FGF14: variants seen among roughly 807,000 people sequenced by gnomAD.
FGF14 encodes fibroblast growth factor homologous factor 4.
A neutral mutation model predicts 25.5 loss-of-function variants in FGF14; 5 were observed. The ratio of observed to expected loss-of-function variants is 0.20; its 90% confidence interval spans 0.10 to 0.41. FGF14 has a LOEUF of 0.41. Among genes scored for constraint, FGF14 ranks in the 10% least tolerant of loss-of-function variants. The pLI, the probability that FGF14 is intolerant of heterozygous loss-of-function variation, is 1.00. For synonymous variants in FGF14, 138 were observed against 118.3 expected (o/e 1.17, Z -1.08); for missense variants, 222 against 320.1 (o/e 0.69, Z 2.34).
At chr13:102,276,278 C>T (rs1209103913) in intron 1 of FGF14, among the ~76,000 whole-genome samples, 1 of 143,036 alleles carries the variant, frequency 7.0e-6, no homozygotes, top group Non-Finnish European at 1.5e-5. Context: ...CTGGAAATCT[C>T]TGTCTTCCTA....
intron 1 of FGF14, among the ~76,000 whole-genome samples, chr13:102,072,260 CTT>C (rs2043183833): frequency 6.6e-6 from 1 of 152,132 alleles, no homozygotes; most frequent in Non-Finnish European, 1.5e-5. Flanking sequence ...AGCATTAACT[CTT>C]GGGGAAAATT....
intron 1 of FGF14, among the ~76,000 whole-genome samples, chr13:102,375,299 CAAGATT>C (rs2058013134): frequency 6.6e-6 from 1 of 152,076 alleles, no homozygotes; most frequent in Non-Finnish European, 1.5e-5. Flanking sequence ...CAGCTAGAGC[CAAGATT>C]AAGTATTTTG....
rs118154924 is a variant in FGF14, at chr13:101,914,720, C to T, written c.193+1733G>A. ...TCATATTTATAAAATAATCTACTGG[C>T]TATATTCTTAAGAAATACACACAAG... On this transcript the variant is annotated intron_variant, in intron 1 of 4. Coordinates refer to ENST00000376143, the MANE Select transcript of FGF14 (RefSeq NM_004115.4). Among the ~76,000 whole-genome samples, 63 of 152,236 alleles carry T rather than the reference C, an allele frequency of 4.1e-4. 2 individuals are homozygous for T. In the East Asian group the frequency reaches 0.012, roughly 28 times the overall value.
chr13:101,862,843 G>A (rs569919578), intron 3 of FGF14, among the ~76,000 whole-genome samples: 27 of 152,150 alleles, frequency 1.8e-4, no homozygotes, highest in Middle Eastern at 3.4e-3. Flanking sequence ...TGTGAAAGAA[G>A]TCACAGAAAA....
At chr13:101,846,572 GGA>G (rs1566304000) in intron 3 of FGF14, among the ~76,000 whole-genome samples, 1 of 151,984 alleles carries the variant, frequency 6.6e-6, no homozygotes. Context: ...TGGCTAAGAT[GGA>G]GAATGAAAAG....
chr13:102,093,546 C>G (rs2044260003), intron 1 of FGF14, among the ~76,000 whole-genome samples: 1 of 152,140 alleles, frequency 6.6e-6, no homozygotes, highest in African/African-American at 2.4e-5. Context: ...GGTCATAACC[C>G]TGGTAAATTA....
chr13:102,066,869 GT>G (rs1301295466), intron 1 of FGF14, among the ~76,000 whole-genome samples: 1 of 152,106 alleles, frequency 6.6e-6, no homozygotes, highest in East Asian at 1.9e-4. Flanking sequence ...GCTCTCTCCA[GT>G]TTCTCCCCAT....
intron 1 of FGF14, among the ~76,000 whole-genome samples, chr13:102,165,665 T>G (rs1594241119): frequency 1.0e-5 from 1 of 97,130 alleles, no homozygotes; most frequent in Non-Finnish European, 2.0e-5. Context: ...GGGCCTGTTG[T>G]GGGTGGGGGG....
At chr13:101,968,431 T>C (rs1011504709) in intron 1 of FGF14, among the ~76,000 whole-genome samples, 5 of 152,072 alleles carry the variant, frequency 3.3e-5, no homozygotes, top group African/African-American at 1.2e-4. Flanking sequence ...CCCAGCACTT[T>C]GGGAGACCGA....
chr13:102,165,317 A>G (rs2047951794), intron 1 of FGF14, among the ~76,000 whole-genome samples: 1 of 151,970 alleles, frequency 6.6e-6, no homozygotes, highest in African/African-American at 2.4e-5. Context: ...ATTACTGGGT[A>G]TATACCCAAA....
chr13:102,395,196 A>G (rs944258771), intron 1 of FGF14: 11 of 152,212 alleles, frequency 7.2e-5, no homozygotes, highest in African/African-American at 2.7e-4. Context: ...TGAGAGTTCC[A>G]GTTACCATCT....
intron 1 of FGF14, among the ~76,000 whole-genome samples, chr13:102,097,509 G>C (rs1285234775): frequency 6.6e-6 from 1 of 152,102 alleles, no homozygotes; most frequent in African/African-American, 2.4e-5. Context: ...CAGCAATTCT[G>C]TCTCCCAAGT....
In FGF14 at chr13:101,806,912, C is replaced by T. The variant is rs189250958; in HGVS notation, c.408+61813G>A. Among the ~76,000 whole-genome samples, 353 of 152,242 alleles carry T rather than the reference C, an allele frequency of 2.3e-3. 1 individual carries two copies. The highest frequency in any genetic ancestry group is 2.4e-3 in the Non-Finnish European group (163 of 68,016). ...GATAGAGCTTCCGAATTCAACATAA[C>T]TAGATTTAATACCTACTCAGAGTGA... On this transcript the variant is annotated intron_variant, in intron 3 of 4. Transcript: ENST00000376143.
At chr13:101,743,172 T>C (rs1169235393) in intron 3 of FGF14, among the ~76,000 whole-genome samples, 1 of 152,196 alleles carries the variant, frequency 6.6e-6, no homozygotes, top group African/African-American at 2.4e-5. Flanking sequence ...ATGTTGTCAG[T>C]ACCTCCCGAG....
At chr13:102,252,388 T>C (rs1346565655) in intron 1 of FGF14, among the ~76,000 whole-genome samples, 1 of 152,176 alleles carries the variant, frequency 6.6e-6, no homozygotes, top group Non-Finnish European at 1.5e-5. Flanking sequence ...TCAGTAATAA[T>C]AACTTGCTTA....
At chr13:102,340,307 A>T (rs1051747938) in intron 1 of FGF14, among the ~76,000 whole-genome samples, 12 of 152,204 alleles carry the variant, frequency 7.9e-5, no homozygotes, top group African/African-American at 2.9e-4. Flanking sequence ...TGCGTTTCAC[A>T]TCAAAAAATA....
At chr13:102,361,952 T>C (rs147389766) in intron 1 of FGF14, among the ~76,000 whole-genome samples, 2 of 152,276 alleles carry the variant, frequency 1.3e-5, no homozygotes, top group East Asian at 3.9e-4. Flanking sequence ...CCCAGTCTCC[T>C]TCAGTCTTCA....
chr13:102,339,768 TGA>T (rs2056895524), intron 1 of FGF14, among the ~76,000 whole-genome samples: 1 of 152,092 alleles, frequency 6.6e-6, no homozygotes, highest in African/African-American at 2.4e-5. Flanking sequence ...GTCATCATGG[TGA>T]GAGATAATAG....
rs58483982 is a variant in FGF14 at position 102,225,933 on chromosome 13, G to C, written c.208+175538C>G. On this transcript the variant is annotated intron_variant, in intron 1 of 4. Transcript: ENST00000376131. Reference sequence around the variant, plus strand: ...TAGTCCCTGAGCTGAGGTCGTGGCCGCATATTTATTCATTGTTTCAATTTG... The same window carrying C: ...TAGTCCCTGAGCTGAGGTCGTGGCCCCATATTTATTCATTGTTTCAATTTG... 9.0e-3 allele frequency among the ~76,000 whole-genome samples: 1,367 copies of C among 152,222 alleles called. 22 individuals carry two copies. The highest frequency in any genetic ancestry group is 0.03 in the African/African-American group (1,253 of 41,534).
Sources: gnomAD v4.1 joint callset for allele counts (sites outside exome capture counted in the v4.1 genomes callset) on GRCh38, gnomAD v4.1.1 for gene constraint, MANE v1.5 for transcripts, NCBI Gene and HGNC (gene_info 2026-07-23, HGNC 2026-07-21) for gene names.